Variants in CFAP65 observed in about 807,000 individuals in gnomAD.
CFAP65 encodes cilia- and flagella-associated protein 65.
A neutral mutation model predicts 208.0 loss-of-function variants in CFAP65; 155 were observed. That is an observed-to-expected ratio of 0.75 (90% CI 0.65 to 0.85). CFAP65 has a LOEUF of 0.85. Ranked by LOEUF, CFAP65 falls within the 40% of genes least tolerant of loss-of-function variation. The pLI, the probability that CFAP65 is intolerant of heterozygous loss-of-function variation, is 0.00. For synonymous variants in CFAP65, 970 were observed against 986.3 expected, an observed-to-expected ratio of 0.98 and a Z score of 0.31; for missense variants, 2,294 against 2,451.3, an observed-to-expected ratio of 0.94 and a Z score of 1.36.
Position 219,004,279 on chromosome 2 carries a change from C to T in CFAP65, c.5228G>A (p.Gly1743Asp). The T allele has an allele frequency of 1.2e-6, 2 of 1,614,130 alleles. No individual in the cohort carries two copies. The highest frequency in any genetic ancestry group is 1.7e-6 in the Non-Finnish European group (2 of 1,180,024). ...VPSSSWEDGK[G>D]KQPKEDRPEH... is the part of the protein sequence containing the mutation. ...TGGTCTGTCTTCCTTCGGCTGCTTG[C>T]CCTTCCCATCCTCCCAGCTGCTGGA... Residue 1743 changes from glycine (G) to aspartate (D), a missense_variant, in exon 33 of 35, where the codon GGC becomes GAC. Gly to Asp is a moderately conservative substitution (Grantham distance 94, BLOSUM62 -1). This residue lies in a region of CFAP65 where 1,427 missense variants were observed against 1,438.7 expected (regional missense o/e 0.99). Transcript: ENST00000341552. This position sits in a 1 kb window ranked among gnomAD's most constrained non-coding sequence, Gnocchi z 4.7.
At chr2:219,021,375 G>A (rs1947253314) in intron 18 of CFAP65, 95 bp from the exon 19 acceptor site, 14 of 1,385,742 alleles carry the variant, frequency 1.0e-5, no homozygotes, top group Non-Finnish European at 1.3e-5. Context: ...CACCAGGGGA[G>A]GACAGCAGGC....
chr2:219,027,999 T>C lies in CFAP65; in HGVS notation c.1862A>G (p.Asp621Gly). The part of the protein sequence containing the change: ...ALMIPIQDLE[D>G]MPAPQYPYIP... ...ATAAGGGTACTGCGGGGCCGGCATGTCCTCCAGATCCTGCATGGGGAAAGA... is the reference window on the plus strand; with the variant it reads ...ATAAGGGTACTGCGGGGCCGGCATGCCCTCCAGATCCTGCATGGGGAAAGA... Residue 621 changes from aspartate (D) to glycine (G), a missense_variant, in exon 13 of 35, where the codon GAC becomes GGC. By Grantham distance (94) the Asp-to-Gly change is moderately conservative. Around this residue, in one of 2 missense-constraint regions of CFAP65, gnomAD observed 867 missense variants for 1,012.6 expected, o/e 0.86. Coordinates refer to ENST00000341552, the MANE Select transcript of CFAP65 (RefSeq NM_194302.4). The C allele has an allele frequency of 1.3e-6, 2 of 1,516,040 alleles. No homozygotes were observed. The highest frequency in any genetic ancestry group is 1.8e-6 in the Non-Finnish European group (2 of 1,133,650). The allele number at this position is 1,516,040 out of a possible 1,614,324, so 93.9% of individuals were successfully genotyped here. A position where few individuals can be genotyped will look rare whatever the true frequency, so the allele number is the denominator to read the frequency against.
intron 13 of CFAP65, chr2:219,027,069 T>C: frequency 9.8e-7 from 1 of 1,020,568 alleles, no homozygotes; most frequent in Non-Finnish European, 1.2e-6. Context: ...CCTTGGCCTC[T>C]GGGCAAGGGC....
chr2:219,010,800 C>T lies in CFAP65; in HGVS notation c.4149+5G>A, dbSNP rs781500589. 7.5e-6 allele frequency: 12 copies of T among 1,598,572 alleles called. No individual in the cohort carries two copies. The African/African-American group carries it at 1.2e-4, about 16-fold the overall frequency. On this transcript the variant is annotated splice_donor_5th_base_variant and intron_variant, in intron 25 of 34. Coordinates refer to ENST00000341552, the MANE Select transcript of CFAP65 (RefSeq NM_194302.4). ...ACCTCCCACGTCATCCAGGTTGCTG[C>T]TCACCGTGTAGGTCTTGGCCTCGAT...
chr2:219,013,311 G>A lies in CFAP65; in HGVS notation c.3905C>T (p.Thr1302Ile). The change falls in exon 24 of 35, where the codon ACT (threonine) becomes ATT (isoleucine). Residue 1302 changes from threonine (T) to isoleucine (I), a missense_variant. Physicochemically the swap from Thr to Ile is moderately conservative, Grantham distance 89. Coordinates refer to ENST00000341552, the MANE Select transcript of CFAP65 (RefSeq NM_194302.4). ...PEQKYVHFTS[T>I]THQFIPIPIG... ...GGGAATGGGGATGAACTGGTGGGTA[G>A]TAGAGGTGAAGTGCACATACTTCTG... 2.5e-6 allele frequency: 4 copies of A among 1,614,100 alleles called. No homozygotes were observed. Among genetic ancestry groups the A allele is most frequent in the Non-Finnish European group, 3.4e-6 (4 of 1,179,980 alleles).
intron 31 of CFAP65, 142 bp downstream of exon 31, chr2:219,005,879 G>T: frequency 2.2e-6 from 2 of 893,592 alleles, no homozygotes; most frequent in Admixed American, 4.9e-5. Flanking sequence ...GGCATCCTGG[G>T]CCCAGAGGCG....
At position 219,006,311 on chromosome 2, in the gene CFAP65, G is replaced by A. The variant is rs1945976651; in HGVS notation, c.4720-88C>T. The A allele has an allele frequency of 3.4e-6, 5 of 1,479,890 alleles. No homozygotes were observed. In the Admixed American group the frequency reaches 7.1e-5, roughly 21 times the overall value. The allele number at this position is 1,479,890 out of a possible 1,614,324, so 91.7% of individuals were successfully genotyped here. On this transcript the variant is annotated intron_variant, in intron 30 of 34. Transcript: ENST00000341552. Reference sequence around the variant, plus strand: ...GTCCCTTGACCTAGTTCCCCCACAGGCTCTTTGGGCCACATAAGCGTGTGA... The same window carrying A: ...GTCCCTTGACCTAGTTCCCCCACAGACTCTTTGGGCCACATAAGCGTGTGA...
Position 219,029,659 on chromosome 2 carries a change from A to T in CFAP65, c.1394T>A (p.Val465Glu), listed in dbSNP as rs546060572. The T allele has an allele frequency of 6.2e-7, 1 of 1,613,952 alleles. No homozygotes were observed. The highest frequency in any genetic ancestry group is 1.3e-5 in the African/African-American group (1 of 75,032). The change falls in exon 11 of 35, where the codon GTG becomes GAG. Residue 465 changes from valine (V) to glutamate (E), a missense_variant. Val to Glu is a moderately radical substitution (Grantham distance 121). This residue lies in a region of CFAP65 where 867 missense variants were observed against 1,012.6 expected (regional missense o/e 0.86). Coordinates refer to ENST00000341552, the MANE Select transcript of CFAP65 (RefSeq NM_194302.4). ...KVVGFCRGPAVSLQHYCVNFS... is the reference protein window; with the variant it reads ...KVVGFCRGPAESLQHYCVNFS... ...GTTGACACAGTAGTGCTGCAGGGAC[A>T]CAGCAGGGCCTGGACACAGGAGATG... is the stretch of plus-strand genomic sequence containing the variant.
At position 219,024,470 on chromosome 2, in the gene CFAP65, A is replaced by AGGGAGACGGGGG. The variant is rs1168795562; in HGVS notation, c.2350-211_2350-210insCCCCCGTCTCCC. Among the ~76,000 whole-genome samples the AGGGAGACGGGGG allele has an allele frequency of 7.2e-4, 5 of 6,952 alleles. 1 individual carries two copies. The highest frequency in any genetic ancestry group is 3.5e-3 in the African/African-American group (5 of 1,422). The allele number at this position is 6,952 out of a possible 152,430, so 4.6% of individuals were successfully genotyped here. A position where few individuals can be genotyped will look rare whatever the true frequency, so the allele number is the denominator to read the frequency against. ...TTTTGTTCTCCAGAGACCTCCAGAA[A>AGGGAGACGGGGG]GGGGCGGGGGGGGGGCAGGGGGGCG... On this transcript the variant is annotated intron_variant, in intron 14 of 34. Transcript: ENST00000341552.
intron 13 of CFAP65, 184 bp downstream of exon 13, chr2:219,027,466 G>C: frequency 1.3e-6 from 2 of 1,549,380 alleles, no homozygotes; most frequent in Non-Finnish European, 1.7e-6. Flanking sequence ...AAATCAGATG[G>C]GCCGAGCTAG....
At position 219,002,969 on chromosome 2, in the gene CFAP65, G is replaced by C; in HGVS notation, c.5746C>G (p.Pro1916Ala). Residue 1916 changes from proline (P) to alanine (A), a missense_variant, in exon 35 of 35, where the codon CCG becomes GCG. Physicochemically the swap from Pro to Ala is conservative, Grantham distance 27. This residue lies in a region of CFAP65 where 1,427 missense variants were observed against 1,438.7 expected (regional missense o/e 0.99). Transcript: ENST00000341552. This position sits in a 1 kb window ranked among gnomAD's most constrained non-coding sequence, Gnocchi z 7.9. ...AGGTCGGTAGGAAGTGGCACCACCG[G>C]GTGGAGTACCTCTGCTTGCTGCGTC... The part of the protein sequence containing the change: ...LPTQQAEVLH[P>A]VVPLPTDLP The C allele has an allele frequency of 1.3e-6, 2 of 1,566,728 alleles. No homozygotes were observed. Among genetic ancestry groups the C allele is most frequent in the Non-Finnish European group, 1.7e-6 (2 of 1,155,520 alleles).
rs780340210 is a variant in CFAP65 at position 219,024,030 on chromosome 2, G to A, written c.2580C>T (p.Ser860=). Residue 860 remains serine, a synonymous_variant, in exon 15 of 35, where the codon TCC becomes TCT. Transcript: ENST00000341552. ...TGCCTCCTACCTTGAGATACTGGGG[G>A]GAAGCATTGCACTGCAGATAGAAAG... ...QHTFYLQCNA[S]PQYLKEVSMY... is the part of the protein sequence containing the mutation. 1 of 1,613,668 alleles carries A rather than the reference G, an allele frequency of 6.2e-7. No homozygotes were observed. The highest frequency in any genetic ancestry group is 8.5e-7 in the Non-Finnish European group (1 of 1,179,818).
chr2:219,014,104 G>T, intron 21 of CFAP65, 60 bp from the exon 22 acceptor site: 10 of 1,435,370 alleles, frequency 7.0e-6, no homozygotes, highest in Non-Finnish European at 7.5e-6. Flanking sequence ...AGAGGCAGGG[G>T]CTCTGAGACC....
Position 219,026,118 on chromosome 2 carries a change from C to T in CFAP65, c.2253G>A (p.Met751Ile), listed in dbSNP as rs748517007. 1 of 1,614,098 alleles carries T rather than the reference C, an allele frequency of 6.2e-7. No individual in the cohort carries two copies. The highest frequency in any genetic ancestry group is 8.5e-7 in the Non-Finnish European group (1 of 1,180,022). Residue 751 changes from methionine (M) to isoleucine (I), a missense_variant, in exon 14 of 35, where the codon ATG becomes ATA. Met to Ile is a conservative substitution (Grantham distance 10). This residue lies in a region of CFAP65 where 867 missense variants were observed against 1,012.6 expected (regional missense o/e 0.86). Transcript: ENST00000341552. Reference sequence around the variant, plus strand: ...GCACCGTCAGGCACCAGGATGGGCACATGGTGCAGTCCTCCTCAATATTAC... The same window carrying T: ...GCACCGTCAGGCACCAGGATGGGCATATGGTGCAGTCCTCCTCAATATTAC... ...SYSNIEEDCT[M>I]CPSWCLTVRA...
intron 29 of CFAP65, among the ~76,000 whole-genome samples, chr2:219,008,414 A>G (rs1441856469): frequency 6.6e-6 from 1 of 152,218 alleles, no homozygotes; most frequent in Non-Finnish European, 1.5e-5. Flanking sequence ...ATCTGTCTCC[A>G]GAGCCTGCCC....
At chr2:219,006,374 G>T in intron 30 of CFAP65, 91 bp downstream of exon 30, 3 of 1,537,544 alleles carry the variant, frequency 2.0e-6, no homozygotes, top group South Asian at 1.1e-5. Flanking sequence ...CTTTCTGGGA[G>T]TCTGGTCCAG....
chr2:219,025,841 C>T (rs377683129), intron 14 of CFAP65, among the ~76,000 whole-genome samples, 181 bp downstream of exon 14: 1 of 152,174 alleles, frequency 6.6e-6, no homozygotes, highest in African/African-American at 2.4e-5. Flanking sequence ...GTGTCGGGGC[C>T]CAGGAGCAAG....
chr2:219,030,129 C>T lies in CFAP65; in HGVS notation c.1241G>A (p.Gly414Asp), dbSNP rs773638553. ...TTTCTTCTCTCCCGGAAGCACGATG[C>T]CATGGGCCGTGGGGCATGAGAAGGC... ...DQAFSCPTAH[G>D]IVLPGEKKCV... is the part of the protein sequence containing the mutation. The change falls in exon 10 of 35, where the codon GGC becomes GAC. Residue 414 changes from glycine (G) to aspartate (D), a missense_variant. This residue lies in a region of CFAP65 where 867 missense variants were observed against 1,012.6 expected (regional missense o/e 0.86). Transcript: ENST00000341552. 1.2e-6 allele frequency: 2 copies of T among 1,614,168 alleles called. No individual in the cohort carries two copies. Among genetic ancestry groups the T allele is most frequent in the East Asian group, 4.5e-5 (2 of 44,862 alleles).
chr2:219,004,349 C>G lies in CFAP65; in HGVS notation c.5158G>C (p.Asp1720His). The G allele has an allele frequency of 1.2e-6, 2 of 1,614,122 alleles. No homozygotes were observed. Among genetic ancestry groups the G allele is most frequent in the Non-Finnish European group, 1.7e-6 (2 of 1,180,046 alleles). The change falls in exon 33 of 35, where the codon GAC (aspartate) becomes CAC (histidine). Residue 1720 changes from aspartate (D) to histidine (H), a missense_variant. By Grantham distance (81) the Asp-to-His change is moderately conservative (BLOSUM62 -1). This residue lies in a region of CFAP65 where 1,427 missense variants were observed against 1,438.7 expected (regional missense o/e 0.99). Coordinates refer to ENST00000341552, the MANE Select transcript of CFAP65 (RefSeq NM_194302.4). This position sits in a 1 kb window ranked among gnomAD's most constrained non-coding sequence, Gnocchi z 4.7. Reference protein sequence around the residue: ...FWNEQSTKFMDQKNSLYLMPI... With the variant: ...FWNEQSTKFMHQKNSLYLMPI... ...ATTAAGTACAGGCTGTTTTTCTGGTCCATGAACTTAGTTGACTGCTCATTC... is the reference window on the plus strand; with the variant it reads ...ATTAAGTACAGGCTGTTTTTCTGGTGCATGAACTTAGTTGACTGCTCATTC...
Sources: allele counts gnomAD v4.1 joint callset (sites outside exome capture counted in the v4.1 genomes callset), GRCh38; gene constraint gnomAD v4.1.1; regional missense constraint gnomAD v4.1.1; non-coding constraint Gnocchi (gnomAD v3.1); transcripts MANE v1.5; gene names NCBI Gene and HGNC (gene_info 2026-07-23, HGNC 2026-07-21).